Variants in SLC35D4 observed in about 807,000 individuals in gnomAD.
SLC35D4 encodes UDP-N-acetylglucosamine transporter SLC35D4.
the SLC35D4 span, among the ~76,000 whole-genome samples, chr18:23,398,045 A>G: frequency 3.3e-5 from 5 of 152,212 alleles, no homozygotes; most frequent in Admixed American, 1.3e-4. Flanking sequence ...CTGAGCCACA[A>G]GACCACAAGA....
At chr18:23,297,468 T>C in the SLC35D4 span, 1 of 151,850 alleles carries the variant, frequency 6.6e-6, no homozygotes, top group Non-Finnish European at 1.5e-5. Flanking sequence ...TAGCGAGCTG[T>C]GATCGCACCA....
the SLC35D4 span, among the ~76,000 whole-genome samples, chr18:23,244,367 C>T: frequency 1.3e-5 from 2 of 152,222 alleles, no homozygotes; most frequent in Non-Finnish European, 1.5e-5. Flanking sequence ...CCTTTCATTT[C>T]AGTGGGAGGG....
At chr18:23,400,572 A>G in the SLC35D4 span, among the ~76,000 whole-genome samples, 1 of 152,198 alleles carries the variant, frequency 6.6e-6, no homozygotes. Flanking sequence ...GGTTGCAGTG[A>G]GCCAAGATCA....
At chr18:23,419,859 GAA>G in the SLC35D4 span, among the ~76,000 whole-genome samples, 1 of 152,022 alleles carries the variant, frequency 6.6e-6, no homozygotes, top group Non-Finnish European at 1.5e-5. Context: ...CAGAAGTAAA[GAA>G]AAGAGACATT....
the SLC35D4 span, chr18:23,253,879 G>A: frequency 6.2e-6 from 10 of 1,614,122 alleles, no homozygotes; most frequent in East Asian, 2.2e-5. Context: ...CATGTGTGCT[G>A]TTAGCAGCCA....
the SLC35D4 span, among the ~76,000 whole-genome samples, chr18:23,311,838 C>A: frequency 6.6e-6 from 1 of 152,074 alleles, no homozygotes; most frequent in Non-Finnish European, 1.5e-5. Context: ...TCCCCCCACC[C>A]CCTTCATTAG....
the SLC35D4 span, among the ~76,000 whole-genome samples, chr18:23,306,586 G>A: frequency 6.6e-6 from 1 of 152,210 alleles, no homozygotes; most frequent in Non-Finnish European, 1.5e-5. Context: ...GATTACAGGC[G>A]TGAGCCACTG....
chr18:23,371,926 G>GTTTTTTTGTT, the SLC35D4 span, among the ~76,000 whole-genome samples: 2 of 11,862 alleles, frequency 1.7e-4, no homozygotes, highest in Non-Finnish European at 3.5e-4. Context: ...TTTCTTCCTT[G>GTTTTTTTGTT]TTTTTTTTGT....
the SLC35D4 span, among the ~76,000 whole-genome samples, chr18:23,337,696 T>C: frequency 1.3e-5 from 2 of 152,212 alleles, no homozygotes; most frequent in Non-Finnish European, 2.9e-5. Context: ...TAATTTTGTC[T>C]AGTAAAGTGA....
the SLC35D4 span, among the ~76,000 whole-genome samples, chr18:23,330,538 T>G: frequency 6.6e-6 from 1 of 152,166 alleles, no homozygotes; most frequent in Non-Finnish European, 1.5e-5. Flanking sequence ...AAATTCAAAC[T>G]CTGACCAGGA....
At chr18:23,347,443 G>A in the SLC35D4 span, among the ~76,000 whole-genome samples, 1,588 of 151,486 alleles carry the variant, frequency 0.01, 27 homozygotes, top group African/African-American at 0.037. Flanking sequence ...CTCTCTCTCT[G>A]AGACAGGGTC....
At chr18:23,333,135 G>A in the SLC35D4 span, among the ~76,000 whole-genome samples, 1 of 152,184 alleles carries the variant, frequency 6.6e-6, no homozygotes, top group Admixed American at 6.5e-5. Flanking sequence ...TATATATTAT[G>A]TAATTCTTAG....
chr18:23,271,142 A>G, the SLC35D4 span, among the ~76,000 whole-genome samples: 1 of 152,218 alleles, frequency 6.6e-6, no homozygotes, highest in East Asian at 1.9e-4. Flanking sequence ...ATGATAGTGA[A>G]TAAGTCTCAC....
the SLC35D4 span, among the ~76,000 whole-genome samples, chr18:23,252,045 C>T: frequency 1.7e-4 from 26 of 150,696 alleles, no homozygotes; most frequent in African/African-American, 5.1e-4. Context: ...AAGATTGCAC[C>T]GCTGCACTCC....
At chr18:23,364,860 G>GCCACT in the SLC35D4 span, among the ~76,000 whole-genome samples, 1 of 116,496 alleles carries the variant, frequency 8.6e-6, no homozygotes, top group African/African-American at 3.3e-5. Context: ...CTGAGATCAT[G>GCCACT]CCACTGCACT....
the SLC35D4 span, among the ~76,000 whole-genome samples, chr18:23,405,931 C>T: frequency 6.6e-6 from 1 of 152,166 alleles, no homozygotes; most frequent in Non-Finnish European, 1.5e-5. Context: ...CCATACTTTT[C>T]CAGGTAGCAT....
chr18:23,436,279 C>G, the SLC35D4 span, among the ~76,000 whole-genome samples: 1 of 151,282 alleles, frequency 6.6e-6, no homozygotes, highest in African/African-American at 2.4e-5. Flanking sequence ...CCACCCGCCT[C>G]GGCCTCCCAA....
chr18:23,412,090 C>T, the SLC35D4 span, among the ~76,000 whole-genome samples: 3 of 152,194 alleles, frequency 2.0e-5, no homozygotes, highest in Admixed American at 6.5e-5. Flanking sequence ...GAGGCCGAGG[C>T]GGGAGGATCA....
chr18:23,421,225 C>G, the SLC35D4 span: 3 of 700,404 alleles, frequency 4.3e-6, no homozygotes. Flanking sequence ...GCCTGGGAGA[C>G]AGTGAGACTC....
Sources: allele counts gnomAD v4.1 joint callset (sites outside exome capture counted in the v4.1 genomes callset), GRCh38; gene constraint gnomAD v4.1.1; transcripts MANE v1.5; gene names NCBI Gene and HGNC (gene_info 2026-07-23, HGNC 2026-07-21).